LAP3: variants seen among roughly 807,000 people sequenced by gnomAD.
The protein encoded by LAP3 is cytosol aminopeptidase.
Under a neutral mutation model 58.8 loss-of-function variants are expected in LAP3, and 46 were observed. The ratio of observed to expected loss-of-function variants is 0.78; its 90% CI spans 0.62 to 1.00. The LOEUF (loss-of-function observed/expected upper bound fraction) is 1.00, where lower values mean the gene tolerates loss of function less well. Ranked by LOEUF, LAP3 falls within the 50% of genes least tolerant of loss-of-function variation. The pLI is 0.00. For missense variants in LAP3, 615 were observed against 659.1 expected (o/e 0.93, Z 0.73); for synonymous variants, 257 against 237.7 (o/e 1.08, Z -0.75).
intron 4 of LAP3, chr4:17,582,673 G>A: frequency 3.6e-6 from 1 of 274,886 alleles, no homozygotes; most frequent in Non-Finnish European, 7.0e-6. Flanking sequence ...TGTTTTCCCA[G>A]AACCTGTAGT....
At chr4:17,593,614 T>G (rs1713754147) in intron 7 of LAP3, among the ~76,000 whole-genome samples, 1 of 134,786 alleles carries the variant, frequency 7.4e-6, no homozygotes, top group Non-Finnish European at 1.6e-5. Context: ...CTTGGGTTTT[T>G]TTTTTTTTTT....
In LAP3 at chr4:17,604,593, A is replaced by G. The variant is rs1019423465; in HGVS notation, c.1186A>G (p.Met396Val). ...ILNAATLTGA[M>V]DVALGSGATG... Reference sequence around the variant, plus strand: ...TGAGGGCTTGTGTCTTACAGGTGCCATGGATGTAGCTTTGGGATCAGGTGC... The same window carrying G: ...TGAGGGCTTGTGTCTTACAGGTGCCGTGGATGTAGCTTTGGGATCAGGTGC... Residue 396 changes from methionine (M) to valine (V), a missense_variant, in exon 11 of 13, where the codon ATG (methionine) becomes GTG (valine). Transcript: ENST00000226299. 6 of 1,613,946 alleles carry G rather than the reference A, an allele frequency of 3.7e-6. No homozygotes were observed. The highest frequency in any genetic ancestry group is 1.3e-5 in the African/African-American group (1 of 75,034).
At chr4:17,590,011 G>A (rs1025325104) in intron 7 of LAP3, among the ~76,000 whole-genome samples, 5 of 152,176 alleles carry the variant, frequency 3.3e-5, no homozygotes, top group Admixed American at 2.6e-4. Context: ...AGATAGTGGA[G>A]TTTGGTATTT....
In LAP3 at chr4:17,595,458, T is replaced by C. The variant is rs1019674834; in HGVS notation, c.912T>C (p.Ala304=). The C allele has an allele frequency of 6.8e-6, 11 of 1,613,866 alleles. No individual in the cohort carries two copies. The highest frequency in any genetic ancestry group is 9.3e-6 in the Non-Finnish European group (11 of 1,179,934). The part of the protein sequence containing the change: ...KASANMDLMR[A]DMGGAATICS... ...CTGCAAATATGGACCTCATGAGGGC[T>C]GACATGGGAGGAGCTGCAACTATAT... Residue 304 remains alanine, a synonymous_variant, in exon 8 of 13, where the codon GCT becomes GCC. Coordinates refer to ENST00000226299, the MANE Select transcript of LAP3 (RefSeq NM_015907.3).
rs1714158652 is a variant in LAP3 at position 17,607,012 on chromosome 4, C to T, written c.1370+74C>T. 1.2e-5 allele frequency: 11 copies of T among 914,256 alleles called. No homozygotes were observed. The East Asian group carries it at 2.3e-4, about 19-fold the overall frequency. The allele number at this position is 914,256 out of a possible 1,614,324, so 56.6% of individuals were successfully genotyped here. A position where few individuals can be genotyped will look rare whatever the true frequency, so the allele number is the denominator to read the frequency against. ...CAAAATAGCTATTTTCAATTTTATC[C>T]CCTTATATAAAAGGTTTAACTATTT... On this transcript the variant is annotated intron_variant, in intron 12 of 12. Transcript: ENST00000226299.
chr4:17,592,263 G>C (rs1577222325), intron 7 of LAP3, among the ~76,000 whole-genome samples: 1 of 152,128 alleles, frequency 6.6e-6, no homozygotes, highest in Non-Finnish European at 1.5e-5. Flanking sequence ...CCTTGCTCCA[G>C]ACAGCCGATC....
At chr4:17,583,419 T>C in intron 4 of LAP3, 64 bp from the exon 5 acceptor site, 1 of 1,580,586 alleles carries the variant, frequency 6.3e-7, no homozygotes, top group Non-Finnish European at 8.7e-7. Flanking sequence ...ATCATGCCTC[T>C]GCTGTCTGCT....
intron 6 of LAP3, among the ~76,000 whole-genome samples, chr4:17,587,884 A>G (rs1713568337): frequency 6.6e-6 from 1 of 152,166 alleles, no homozygotes; most frequent in African/African-American, 2.4e-5. Context: ...AAAAGCAAAT[A>G]AATAGGATAT....
At chr4:17,584,346 A>C (rs1713447661) in intron 5 of LAP3, among the ~76,000 whole-genome samples, 1 of 152,352 alleles carries the variant, frequency 6.6e-6, no homozygotes, top group South Asian at 2.1e-4. Flanking sequence ...AAAAGAGCAC[A>C]TCAAGTAGGG....
At chr4:17,586,670 T>A (rs796958752) in intron 6 of LAP3, among the ~76,000 whole-genome samples, 8 of 152,240 alleles carry the variant, frequency 5.3e-5, no homozygotes, top group African/African-American at 1.9e-4. Flanking sequence ...TGCCAAAGAA[T>A]ATGAAGCTGC....
chr4:17,590,128 G>T (rs1713643146), intron 7 of LAP3, among the ~76,000 whole-genome samples: 1 of 152,080 alleles, frequency 6.6e-6, no homozygotes, highest in Non-Finnish European at 1.5e-5. Context: ...AACCCATGAG[G>T]GGTTTCATTT....
chr4:17,577,409 C>A lies in LAP3; in HGVS notation c.-57C>A. 7.3e-7 allele frequency: 1 copy of A among 1,367,698 alleles called. No homozygotes were observed. The highest frequency in any genetic ancestry group is 9.7e-7 in the Non-Finnish European group (1 of 1,026,260). 84.7% of individuals were successfully genotyped at this position (1,367,698 alleles called of 1,614,324 possible). A position where few individuals can be genotyped will look rare whatever the true frequency, so the allele number is the denominator to read the frequency against. On this transcript the variant is annotated 5_prime_UTR_variant, in exon 1 of 13. Transcript: ENST00000226299. The stretch of plus-strand genomic sequence containing the variant: ...CGAAAGCCCCGCCCCAAGGCGCGCC[C>A]GCCCACCGCTCTCCACGTGCTCGCT...
intron 5 of LAP3, among the ~76,000 whole-genome samples, chr4:17,583,903 T>C (rs1040591635): frequency 3.3e-5 from 5 of 152,224 alleles, no homozygotes; most frequent in Non-Finnish European, 5.9e-5. Context: ...CAGGTAGCTC[T>C]TACCTGAGAG....
chr4:17,598,112 A>G (rs1405166848), intron 9 of LAP3, among the ~76,000 whole-genome samples: 1 of 152,156 alleles, frequency 6.6e-6, no homozygotes, highest in Non-Finnish European at 1.5e-5. Context: ...TTTGGCTTCC[A>G]AAGTCATCAA....
rs185768923 is a variant in LAP3, at chr4:17,592,840, G to A, written c.864-2570G>A. ...TTTTTATTTTTTGAGACGGAGTCTC[G>A]CTCTGTCACCCAGGCTGGAGTGCAC... On this transcript the variant is annotated intron_variant, in intron 7 of 12. Coordinates refer to ENST00000226299, the MANE Select transcript of LAP3 (RefSeq NM_015907.3). Among the ~76,000 whole-genome samples, 235 of 152,284 alleles carry A rather than the reference G, an allele frequency of 1.5e-3. 1 individual carries two copies. Among genetic ancestry groups the A allele is most frequent in the African/African-American group, 5.1e-3 (212 of 41,568 alleles).
At chr4:17,589,015 ATTAT>A in intron 7 of LAP3, 38 bp downstream of exon 7, 1 of 1,592,204 alleles carries the variant, frequency 6.3e-7, no homozygotes, top group Admixed American at 1.8e-5. Context: ...ATTTTGGTGA[ATTAT>A]TTGTGTGCAG....
Position 17,587,417 on chromosome 4 carries a change from C to A in LAP3, c.705-1402C>A, listed in dbSNP as rs538253773. 1.5e-4 allele frequency: 17 copies of A among 116,088 alleles called. No homozygotes were observed. The Admixed American group carries it at 1.6e-3, about 11-fold the overall frequency. 7.2% of individuals were successfully genotyped at this position (116,088 alleles called of 1,614,324 possible). On this transcript the variant is annotated intron_variant, in intron 6 of 12. Transcript: ENST00000226299. Reference sequence around the variant, plus strand: ...ATTTAAAATGCCCACATTGCACAGCCTTGTTGTTGTTGTTTTTTTTTTTTT... The same window carrying A: ...ATTTAAAATGCCCACATTGCACAGCATTGTTGTTGTTGTTTTTTTTTTTTT...
At chr4:17,588,690 G>GA in intron 6 of LAP3, 129 bp from the exon 7 acceptor site, 1 of 800,442 alleles carries the variant, frequency 1.2e-6, no homozygotes, top group Non-Finnish European at 1.9e-6. Context: ...CCTGATAATT[G>GA]AAACCTTAAT....
In LAP3 at chr4:17,588,920, G is replaced by T. The variant is rs1713602138; in HGVS notation, c.806G>T (p.Ser269Ile). 1.2e-6 allele frequency: 2 copies of T among 1,614,154 alleles called. No individual in the cohort carries two copies. The highest frequency in any genetic ancestry group is 2.2e-5 in the East Asian group (1 of 44,882). Residue 269 changes from serine to isoleucine, a missense_variant, in exon 7 of 13, where the codon AGC (serine) becomes ATC (isoleucine). Physicochemically the swap from Ser to Ile is moderately radical, Grantham distance 142. Transcript: ENST00000226299. ...PVFLEIHYKG[S>I]PNANEPPLVF... ...TTCTTGGAAATTCACTACAAAGGCAGCCCCAATGCAAACGAACCACCCCTG... is the reference window on the plus strand; with the variant it reads ...TTCTTGGAAATTCACTACAAAGGCATCCCCAATGCAAACGAACCACCCCTG...
Sources: gnomAD v4.1 joint callset for allele counts (sites outside exome capture counted in the v4.1 genomes callset) on GRCh38, gnomAD v4.1.1 for gene constraint, MANE v1.5 for transcripts, NCBI Gene and HGNC (gene_info 2026-07-23, HGNC 2026-07-21) for gene names.